The following DNAAF4 variants were observed in gnomAD, a reference collection of about 807,000 sequenced individuals.
The protein encoded by DNAAF4 is dynein axonemal assembly factor 4.
DNAAF4 carries 43 observed loss-of-function variants against 51.8 expected under a neutral mutation model. The observed-to-expected ratio is 0.83, with a 90% CI of 0.65 to 1.07. The LOEUF is 1.07. Among genes scored for constraint, DNAAF4 ranks in the 50% least tolerant of loss-of-function variants. DNAAF4 has a pLI of 0.00. For missense variants in DNAAF4, 581 were observed against 493.0 expected (o/e 1.18, Z -1.69); for synonymous variants, 194 against 165.6 (o/e 1.17, Z -1.32).
At chr15:55,446,408 C>T (rs2057816426) in intron 6 of DNAAF4, among the ~76,000 whole-genome samples, 1 of 145,804 alleles carries the variant, frequency 6.9e-6, no homozygotes, top group African/African-American at 2.6e-5. Flanking sequence ...GCGCTCCTCA[C>T]TTCCCAGACG....
intron 5 of DNAAF4, among the ~76,000 whole-genome samples, chr15:55,456,971 A>G (rs2058029523): frequency 6.6e-6 from 1 of 152,220 alleles, no homozygotes; most frequent in Non-Finnish European, 1.5e-5. Context: ...GGGTGAAGGA[A>G]GCTTGTAGCT....
chr15:55,480,224 A>C (rs2058390380), intron 4 of DNAAF4, among the ~76,000 whole-genome samples: 1 of 152,092 alleles, frequency 6.6e-6, no homozygotes. Context: ...GTCACCCCCG[A>C]TGGCCCAGCT....
intron 4 of DNAAF4, among the ~76,000 whole-genome samples, chr15:55,468,849 T>C (rs2058206941): frequency 6.6e-6 from 1 of 152,120 alleles, no homozygotes; most frequent in Non-Finnish European, 1.5e-5. Flanking sequence ...TAATGATAAT[T>C]TATAATAAGC....
chr15:55,487,541 TAATA>T (rs2058509224), intron 4 of DNAAF4, among the ~76,000 whole-genome samples: 1 of 152,116 alleles, frequency 6.6e-6, no homozygotes, highest in Non-Finnish European at 1.5e-5. Flanking sequence ...TCACTCTTCA[TAATA>T]AATCTTGCTG....
intron 3 of DNAAF4, chr15:55,495,106 T>G (rs1246128045): frequency 6.8e-6 from 1 of 147,902 alleles, no homozygotes; most frequent in Non-Finnish European, 1.5e-5. Context: ...TATGACATCC[T>G]CAGGCCCCAA....
At chr15:55,440,812 G>C (rs1254053570) in intron 6 of DNAAF4, among the ~76,000 whole-genome samples, 1 of 151,810 alleles carries the variant, frequency 6.6e-6, no homozygotes, top group Non-Finnish European at 1.5e-5. Flanking sequence ...CTCCCAAATA[G>C]CTGGGACTAC....
At chr15:55,442,926 G>A in intron 6 of DNAAF4, 1 of 1,611,502 alleles carries the variant, frequency 6.2e-7, no homozygotes, top group Non-Finnish European at 8.5e-7. Context: ...GTCCTTCTAG[G>A]TAAGGGACTC....
intron 4 of DNAAF4, among the ~76,000 whole-genome samples, chr15:55,472,608 A>T (rs1298944582): frequency 1.3e-5 from 2 of 152,242 alleles, no homozygotes; most frequent in Non-Finnish European, 2.9e-5. Context: ...ACACAGTGAG[A>T]CTTCTCAAAA....
At chr15:55,436,897 C>T (rs954403324) in intron 7 of DNAAF4, among the ~76,000 whole-genome samples, 41 of 151,848 alleles carry the variant, frequency 2.7e-4, no homozygotes, top group African/African-American at 8.2e-4. Context: ...CTCGATTCAC[C>T]GCAACCTCCA....
chr15:55,457,471 C>G (rs931655415), intron 5 of DNAAF4, among the ~76,000 whole-genome samples: 1 of 152,162 alleles, frequency 6.6e-6, no homozygotes, highest in Non-Finnish European at 1.5e-5. Context: ...GTTTTCTCTA[C>G]CTGCTCTATG....
intron 4 of DNAAF4, among the ~76,000 whole-genome samples, chr15:55,482,037 T>C (rs557768997): frequency 2.0e-5 from 3 of 152,362 alleles, no homozygotes; most frequent in South Asian, 4.1e-4. Flanking sequence ...ATCGGGGCTC[T>C]TGAGCTGCTT....
chr15:55,431,533 GGCGTGAT>G (rs1006004027), intron 9 of DNAAF4, among the ~76,000 whole-genome samples: 1 of 147,744 alleles, frequency 6.8e-6, no homozygotes, highest in Non-Finnish European at 1.5e-5. Context: ...GTAGCGCAGT[GGCGTGAT>G]CTTGGCTCAC....
rs546140548 is a variant in DNAAF4, at chr15:55,452,970, C to T, written c.638-2603G>A. 1.2e-3 allele frequency among the ~76,000 whole-genome samples: 189 copies of T among 152,230 alleles called. 1 individual carries two copies. Among genetic ancestry groups the T allele is most frequent in the Non-Finnish European group, 2.2e-3 (148 of 68,010 alleles). ...CCTCCTGAGTAGCTGGAATTACAGA[C>T]GTGCACCACCATGCCCAGCTAATTT... On this transcript the variant is annotated intron_variant, in intron 5 of 9. Transcript: ENST00000321149.
At chr15:55,485,538 C>G (rs963213784) in intron 4 of DNAAF4, among the ~76,000 whole-genome samples, 1 of 151,942 alleles carries the variant, frequency 6.6e-6, no homozygotes, top group African/African-American at 2.4e-5. Flanking sequence ...CTTTAAGAAA[C>G]CACAGCAGAA....
chr15:55,434,797 A>T, intron 8 of DNAAF4, 108 bp downstream of exon 8: 1 of 993,208 alleles, frequency 1.0e-6, no homozygotes, highest in Middle Eastern at 3.5e-4. Context: ...CAATCTTTAA[A>T]ATCTTTGCAT....
At position 55,430,791 on chromosome 15, in the gene DNAAF4, T is replaced by C. The variant is rs189808986; in HGVS notation, c.1154-12A>G. On this transcript the variant is annotated splice_polypyrimidine_tract_variant and intron_variant, in intron 9 of 9. Transcript: ENST00000321149. ...ATAATCCTGTAGGCCTGTGTTTATA[T>C]AGCAATGATGATTAATACAATAAAT... The C allele has an allele frequency of 1.3e-3, 2,068 of 1,580,032 alleles. 1 individual carries two copies. Among genetic ancestry groups the C allele is most frequent in the Admixed American group, 3.5e-3 (209 of 59,008 alleles).
intron 5 of DNAAF4, among the ~76,000 whole-genome samples, chr15:55,454,436 G>C (rs534687955): frequency 1.1e-4 from 17 of 152,132 alleles, no homozygotes; most frequent in Non-Finnish European, 1.6e-4. Context: ...AGAGTGCAGT[G>C]GCACGATCTT....
Position 55,498,427 on chromosome 15 carries a change from C to T in DNAAF4, c.-98G>A, listed in dbSNP as rs1438879167. 6.6e-7 allele frequency: 1 copy of T among 1,504,488 alleles called. No individual in the cohort carries two copies. The highest frequency in any genetic ancestry group is 1.4e-5 in the African/African-American group (1 of 70,926). The allele number at this position is 1,504,488 out of a possible 1,614,324, so 93.2% of individuals were successfully genotyped here. ...TTACCATGCGCCAGCCCTTCCGGGT[C>T]AGGCCGGCCGGGAGCCCGGCGTTCC... On this transcript the variant is annotated 5_prime_UTR_variant, in exon 2 of 10. It removes the in-frame stop codon of an upstream open reading frame in the 5' UTR. Coordinates refer to ENST00000321149, the MANE Select transcript of DNAAF4 (RefSeq NM_130810.4).
rs1242163328 is a variant in DNAAF4, at chr15:55,498,169, C to A, written c.123+38G>T. The A allele has an allele frequency of 1.9e-6, 3 of 1,614,028 alleles. No homozygotes were observed. In the East Asian group the frequency reaches 6.7e-5, roughly 36 times the overall value. ...GCGCTCTTGCAGAAGCTTCGGACCA[C>A]ACCCCCGGAGACCGGCAGGCAAGAC... is the stretch of plus-strand genomic sequence containing the variant. On this transcript the variant is annotated intron_variant, in intron 2 of 9. Transcript: ENST00000321149.
Sources: gnomAD v4.1 joint callset for allele counts (sites outside exome capture counted in the v4.1 genomes callset) on GRCh38, gnomAD v4.1.1 for gene constraint, MANE v1.5 for transcripts, NCBI Gene and HGNC (gene_info 2026-07-23, HGNC 2026-07-21) for gene names.